Variants in ITPR2 observed in about 807,000 individuals in gnomAD.
ITPR2 encodes the protein inositol 1,4,5-trisphosphate receptor type 2, also known as inositol 1,4,5-trisphosphate-gated calcium channel ITPR2.
ITPR2 carries 207 observed loss-of-function variants against 317.1 expected under a neutral mutation model. That is an observed-to-expected ratio of 0.65 (90% CI 0.58 to 0.73). The LOEUF (loss-of-function observed/expected upper bound fraction) is 0.73, where lower values mean the gene tolerates loss of function less well. Among genes scored for constraint, ITPR2 ranks in the 30% least tolerant of loss-of-function variants. The probability of loss-of-function intolerance (pLI) is 0.00; values close to 1 mark genes in which losing one functional copy is unlikely to be tolerated. For synonymous variants in ITPR2, 1,156 were observed against 1,149.1 expected (o/e 1.01, Z -0.12); for missense variants, 2,613 against 3,284.0 (o/e 0.80, Z 4.99).
chr12:26,716,153 C>T lies in ITPR2; in HGVS notation c.615G>A (p.Gly205=). ...ASNIELLDNP[G]CKEVNAVNCN... is the part of the protein sequence containing the mutation. ...TTCCACTTGAACTTACCTCTTTACA[C>T]CCTGGGTTATCAAGAAGCTCTATGT... Residue 205 remains glycine, a synonymous_variant, in exon 6 of 57, where the codon GGG becomes GGA. Transcript: ENST00000381340. 6.2e-7 allele frequency: 1 copy of T among 1,610,784 alleles called. No homozygotes were observed. The highest frequency in any genetic ancestry group is 8.5e-7 in the Non-Finnish European group (1 of 1,177,258).
rs1182641539 is a variant in ITPR2, at chr12:26,476,951, A to C, written c.6180T>G (p.Asn2060Lys). The change falls in exon 44 of 57, where the codon AAT becomes AAG. Residue 2060 changes from asparagine (N) to lysine (K), a missense_variant. Transcript: ENST00000381340. ...TCATGTTAAAAAGAATTCTTTCTGC[A>C]TTCTCACTGTCATGTCTGCTTTCCA... is the stretch of plus-strand genomic sequence containing the variant. ...AIMESRHDSE[N>K]AERILFNMRP... The C allele has an allele frequency of 6.2e-7, 1 of 1,613,478 alleles. No homozygotes were observed. Among genetic ancestry groups the C allele is most frequent in the Admixed American group, 1.7e-5 (1 of 59,984 alleles).
At chr12:26,628,211 T>A in intron 22 of ITPR2, 49 bp from the exon 23 acceptor site, 1 of 1,459,038 alleles carries the variant, frequency 6.9e-7, no homozygotes, top group East Asian at 2.3e-5. Flanking sequence ...TAGCATAGTA[T>A]TTAAAAATGC....
At chr12:26,403,882 G>A (rs1252307190) in intron 52 of ITPR2, among the ~76,000 whole-genome samples, 3 of 152,196 alleles carry the variant, frequency 2.0e-5, no homozygotes, top group African/African-American at 7.2e-5. Context: ...AAGTATGGGT[G>A]AGAGGAGTGG....
chr12:26,386,902 G>C (rs1479664952), intron 55 of ITPR2, among the ~76,000 whole-genome samples: 1 of 152,002 alleles, frequency 6.6e-6, no homozygotes, highest in Non-Finnish European at 1.5e-5. Flanking sequence ...AACTAGATGT[G>C]GCAGGATCAG....
intron 2 of ITPR2, among the ~76,000 whole-genome samples, chr12:26,784,235 TTC>T (rs1354101240): frequency 7.3e-5 from 11 of 150,382 alleles, no homozygotes; most frequent in Non-Finnish European, 1.0e-4. Flanking sequence ...TGTTTACAGT[TTC>T]TCTTTTAAAA....
intron 37 of ITPR2, among the ~76,000 whole-genome samples, chr12:26,533,785 C>G (rs1434505837): frequency 1.3e-5 from 2 of 152,198 alleles, no homozygotes; most frequent in African/African-American, 4.8e-5. Context: ...AGGAAACCAC[C>G]TGTTGACCCC....
At chr12:26,633,748 T>G (rs185749864) in intron 21 of ITPR2, among the ~76,000 whole-genome samples, 1 of 152,344 alleles carries the variant, frequency 6.6e-6, no homozygotes, top group African/African-American at 2.4e-5. Context: ...GCCATCGATA[T>G]TTAACCACTA....
At chr12:26,579,981 AAG>A in intron 33 of ITPR2, 44 bp downstream of exon 33, 1 of 1,562,160 alleles carries the variant, frequency 6.4e-7, no homozygotes, top group Non-Finnish European at 8.7e-7. Context: ...CTACTCAAAT[AAG>A]AGAAACTCTT....
At chr12:26,408,789 A>G (rs1940442511) in intron 52 of ITPR2, among the ~76,000 whole-genome samples, 1 of 152,270 alleles carries the variant, frequency 6.6e-6, no homozygotes, top group African/African-American at 2.4e-5. Flanking sequence ...AACAATATTA[A>G]AGAAATATTC....
chr12:26,616,805 C>T (rs572556816), intron 26 of ITPR2, among the ~76,000 whole-genome samples: 64 of 152,268 alleles, frequency 4.2e-4, no homozygotes, highest in African/African-American at 1.5e-3. Context: ...CTTCAGACAG[C>T]AAGACCAACC....
chr12:26,803,246 G>A (rs771377841), intron 1 of ITPR2, among the ~76,000 whole-genome samples: 11 of 152,052 alleles, frequency 7.2e-5, no homozygotes, highest in Non-Finnish European at 1.3e-4. Context: ...CTTATTGTAT[G>A]ATACCTCTAA....
chr12:26,467,572 G>A (rs1403739144), intron 45 of ITPR2, among the ~76,000 whole-genome samples: 5 of 152,118 alleles, frequency 3.3e-5, no homozygotes, highest in Non-Finnish European at 4.4e-5. Context: ...GTAAAAGCAG[G>A]CAGAAGGAGG....
intron 13 of ITPR2, among the ~76,000 whole-genome samples, chr12:26,673,696 G>T (rs1239082072): frequency 6.6e-6 from 1 of 151,260 alleles, no homozygotes; most frequent in Non-Finnish European, 1.5e-5. Flanking sequence ...TCTGGCCAGG[G>T]CAATTAGGCA....
chr12:26,597,324 C>G (rs914364337), intron 30 of ITPR2, among the ~76,000 whole-genome samples, 190 bp from the exon 31 acceptor site: 1 of 152,086 alleles, frequency 6.6e-6, no homozygotes, highest in Middle Eastern at 3.2e-3. Flanking sequence ...CAGCTATGAA[C>G]GCTATCAAAA....
chr12:26,624,185 C>A, intron 24 of ITPR2, 114 bp downstream of exon 24: 1 of 714,258 alleles, frequency 1.4e-6, no homozygotes, highest in Non-Finnish European at 2.4e-6. Context: ...ATGTTAGCAA[C>A]AATAGAGGGT....
At chr12:26,611,090 C>A (rs1207791234) in intron 26 of ITPR2, among the ~76,000 whole-genome samples, 1 of 152,226 alleles carries the variant, frequency 6.6e-6, no homozygotes, top group African/African-American at 2.4e-5. Flanking sequence ...GTTCCGGCAC[C>A]AGGCAGTGCC....
chr12:26,471,273 T>C (rs1176378584), intron 45 of ITPR2, among the ~76,000 whole-genome samples: 1 of 152,182 alleles, frequency 6.6e-6, no homozygotes, highest in Non-Finnish European at 1.5e-5. Flanking sequence ...GTTTAATATA[T>C]ATTGGACATG....
chr12:26,514,777 C>T (rs1157084019), intron 37 of ITPR2, among the ~76,000 whole-genome samples: 1 of 146,966 alleles, frequency 6.8e-6, no homozygotes, highest in Non-Finnish European at 1.6e-5. Flanking sequence ...TGGTTACGCA[C>T]AATAATAAAA....
Position 26,659,095 on chromosome 12 carries a change from G to T in ITPR2, c.1886+18C>A. 6.3e-7 allele frequency: 1 copy of T among 1,593,096 alleles called. No homozygotes were observed. The highest frequency in any genetic ancestry group is 8.6e-7 in the Non-Finnish European group (1 of 1,164,218). On this transcript the variant is annotated intron_variant, in intron 16 of 56. Coordinates refer to ENST00000381340, the MANE Select transcript of ITPR2 (RefSeq NM_002223.4). ...GCAATCTCCACTAGAAAAGAATACC[G>T]CATGAATCATTTCAAACCTTGGCTC...
Sources: allele counts gnomAD v4.1 joint callset (sites outside exome capture counted in the v4.1 genomes callset), GRCh38; gene constraint gnomAD v4.1.1; transcripts MANE v1.5; gene names NCBI Gene and HGNC (gene_info 2026-07-23, HGNC 2026-07-21).